The following CHRNA7 variants were observed in gnomAD, a reference collection of about 807,000 sequenced individuals.
CHRNA7 encodes neuronal acetylcholine receptor subunit alpha-7.
Under a neutral mutation model 48.0 loss-of-function variants are expected in CHRNA7, and 17 were observed. The observed-to-expected ratio is 0.35, with a 90% CI of 0.24 to 0.53. The LOEUF is 0.53. CHRNA7 is among the 20% of genes least tolerant of loss of function. The probability of loss-of-function intolerance (pLI) is 0.92; values close to 1 mark genes in which losing one functional copy is unlikely to be tolerated. For missense variants in CHRNA7, 155 were observed against 577.7 expected (o/e 0.27, Z 7.50); for synonymous variants, 75 against 242.3 (o/e 0.31, Z 6.41).
chr15:32,031,914 A>G (rs1018789857), intron 2 of CHRNA7, among the ~76,000 whole-genome samples: 4 of 152,218 alleles, frequency 2.6e-5, no homozygotes, highest in Non-Finnish European at 5.9e-5. Context: ...AGGGTGGGGC[A>G]CAGGGATAAT....
chr15:32,081,672 C>T (rs899955582), intron 2 of CHRNA7, among the ~76,000 whole-genome samples: 22 of 152,098 alleles, frequency 1.4e-4, no homozygotes, highest in African/African-American at 5.3e-4. Context: ...CCTGTAGTTA[C>T]CTTTACTATT....
At chr15:32,091,624 T>C (rs1172292415) in intron 2 of CHRNA7, among the ~76,000 whole-genome samples, 1 of 152,144 alleles carries the variant, frequency 6.6e-6, no homozygotes, top group Non-Finnish European at 1.5e-5. Flanking sequence ...CTCTTCAAAT[T>C]TCCTGGACCA....
At chr15:32,111,998 C>G in intron 4 of CHRNA7, 99 bp downstream of exon 4, 1 of 830,190 alleles carries the variant, frequency 1.2e-6, no homozygotes, top group East Asian at 2.5e-5. Flanking sequence ...GATATGTTAT[C>G]TATGATCTGG....
chr15:32,169,133 G>A lies in CHRNA7; in HGVS notation c.*675G>A, dbSNP rs1396685256. ...ACCCTGTCAAGGAGATCAAAGGGAC[G>A]CAGGTTTCTGTTTATTCTGAACAAG... On this transcript the variant is annotated 3_prime_UTR_variant, in exon 10 of 10. Transcript: ENST00000306901. 1.5e-4 allele frequency: 20 copies of A among 135,060 alleles called. No individual in the cohort carries two copies. The highest frequency in any genetic ancestry group is 5.2e-4 in the African/African-American group (19 of 36,724). 8.4% of individuals were successfully genotyped at this position (135,060 alleles called of 1,614,324 possible). A position where few individuals can be genotyped will look rare whatever the true frequency, so the allele number is the denominator to read the frequency against.
In CHRNA7 at chr15:32,065,671, T is replaced by C. The variant is rs184559701; in HGVS notation, c.195+34634T>C. On this transcript the variant is annotated intron_variant, in intron 2 of 9. Coordinates refer to ENST00000306901, the MANE Select transcript of CHRNA7 (RefSeq NM_000746.6). ...TCTCACCTCTGACTGACCTTGAGAC[T>C]GTGCACAGGCAGGAAGTGAAGGCTA... Among the ~76,000 whole-genome samples the C allele has an allele frequency of 3.7e-4, 57 of 152,376 alleles. No individual in the cohort carries two copies. The East Asian group carries it at 0.01, about 27-fold the overall frequency.
chr15:32,091,809 AT>A (rs1566831991), intron 2 of CHRNA7, among the ~76,000 whole-genome samples: 1 of 151,906 alleles, frequency 6.6e-6, no homozygotes, highest in Admixed American at 6.5e-5. Context: ...GTTCTTTTCA[AT>A]TTCCTCTTGG....
intron 2 of CHRNA7, among the ~76,000 whole-genome samples, chr15:32,096,683 G>A (rs2050474540): frequency 6.6e-6 from 1 of 151,838 alleles, no homozygotes; most frequent in South Asian, 2.1e-4. Context: ...AAAATCACAT[G>A]GAATGATGTT....
intron 4 of CHRNA7, among the ~76,000 whole-genome samples, chr15:32,130,389 C>CTT (rs1406078281): frequency 6.6e-6 from 1 of 151,844 alleles, no homozygotes. Context: ...ATTGCTGCAT[C>CTT]TTCTTGGTAG....
At chr15:32,109,356 C>T (rs2050725207) in intron 3 of CHRNA7, among the ~76,000 whole-genome samples, 1 of 152,224 alleles carries the variant, frequency 6.6e-6, no homozygotes, top group African/African-American at 2.4e-5. Context: ...GGCTTCTTTA[C>T]TGCAACCTGT....
rs144883382 is a variant in CHRNA7 at position 32,144,963 on chromosome 15, G to A, written c.351-8944G>A. ...TCCATCCAGTTTTGTTCCATTGCTGGCAAGGAGCTGCGATCCTTTGGAGAA... is the reference window on the plus strand; with the variant it reads ...TCCATCCAGTTTTGTTCCATTGCTGACAAGGAGCTGCGATCCTTTGGAGAA... On this transcript the variant is annotated intron_variant, in intron 4 of 9. Coordinates refer to ENST00000306901, the MANE Select transcript of CHRNA7 (RefSeq NM_000746.6). Among the ~76,000 whole-genome samples, 671 of 152,218 alleles carry A rather than the reference G, an allele frequency of 4.4e-3. 5 individuals carry two copies. Among genetic ancestry groups the A allele is most frequent in the African/African-American group, 0.015 (629 of 41,532 alleles).
intron 3 of CHRNA7, among the ~76,000 whole-genome samples, chr15:32,106,951 C>G (rs1268745847): frequency 6.6e-6 from 1 of 152,150 alleles, no homozygotes; most frequent in Non-Finnish European, 1.5e-5. Flanking sequence ...TGTTTACAGA[C>G]AAGCCGGCTA....
At chr15:32,076,427 A>G (rs1238837785) in intron 2 of CHRNA7, among the ~76,000 whole-genome samples, 1 of 152,130 alleles carries the variant, frequency 6.6e-6, no homozygotes, top group Non-Finnish European at 1.5e-5. Context: ...TATCTATGGT[A>G]ATTTTCTTTG....
chr15:32,075,541 A>G (rs544625642), intron 2 of CHRNA7, among the ~76,000 whole-genome samples: 2 of 152,048 alleles, frequency 1.3e-5, no homozygotes, highest in African/African-American at 4.8e-5. Flanking sequence ...ATCTGCATTC[A>G]TATCCTCTAT....
intron 2 of CHRNA7, among the ~76,000 whole-genome samples, chr15:32,044,765 A>G (rs775656561): frequency 2.0e-5 from 3 of 152,254 alleles, no homozygotes; most frequent in Non-Finnish European, 4.4e-5. Flanking sequence ...GAAAGATGCT[A>G]CTGACACTTA....
In CHRNA7 at chr15:32,123,964, CA is replaced by C. The variant is rs57791060; in HGVS notation, c.350+12083del. 8.0e-3 allele frequency among the ~76,000 whole-genome samples: 378 copies of C among 47,128 alleles called. 2 individuals carry two copies. The highest frequency in any genetic ancestry group is 0.028 in the Middle Eastern group (2 of 72). 30.9% of individuals were successfully genotyped at this position (47,128 alleles called of 152,430 possible). ...CTTCTCTAACATGAGAAAATCTGGC[CA>C]AAAAAAAAAAAAAAAAACAGCCTAC... is the stretch of plus-strand genomic sequence containing the variant. On this transcript the variant is annotated intron_variant, in intron 4 of 9. Transcript: ENST00000306901.
At chr15:32,045,332 G>T (rs74585912) in intron 2 of CHRNA7, among the ~76,000 whole-genome samples, 16 of 152,206 alleles carry the variant, frequency 1.1e-4, no homozygotes, top group Admixed American at 3.9e-4. Context: ...AGAGAACGGA[G>T]AACACTTTTA....
chr15:32,102,528 A>C (rs1478933837), intron 3 of CHRNA7: 1 of 152,092 alleles, frequency 6.6e-6, no homozygotes, highest in Non-Finnish European at 1.5e-5. Context: ...GTAAGTATTA[A>C]ATTTTGTTTC....
chr15:32,043,676 A>G (rs2049487021), intron 2 of CHRNA7, among the ~76,000 whole-genome samples: 1 of 152,078 alleles, frequency 6.6e-6, no homozygotes, highest in African/African-American at 2.4e-5. Flanking sequence ...ATTGTCATAT[A>G]TTTTATTTCT....
intron 2 of CHRNA7, among the ~76,000 whole-genome samples, chr15:32,086,238 A>G (rs371965430): frequency 1.3e-3 from 204 of 151,884 alleles, no homozygotes; most frequent in Middle Eastern, 3.4e-3. Context: ...GCCTGGTGGC[A>G]GGCGCCTGTA....
Sources: allele counts gnomAD v4.1 joint callset (sites outside exome capture counted in the v4.1 genomes callset), GRCh38; gene constraint gnomAD v4.1.1; transcripts MANE v1.5; gene names NCBI Gene and HGNC (gene_info 2026-07-23, HGNC 2026-07-21).